COP1: variants seen among roughly 807,000 people sequenced by gnomAD.
The protein encoded by COP1 is E3 ubiquitin-protein ligase COP1.
Under a neutral mutation model 101.3 loss-of-function variants are expected in COP1, and 24 were observed. That is an observed-to-expected ratio of 0.24 (90% CI 0.17 to 0.33). The LOEUF is 0.33. COP1 is among the 10% of genes least tolerant of loss of function. The pLI is 1.00. For missense variants in COP1, 663 were observed against 906.2 expected (o/e 0.73, Z 3.45); for synonymous variants, 347 against 341.9 (o/e 1.01, Z -0.17).
Position 176,120,667 on chromosome 1 carries a change from T to A in COP1, c.969-3986A>T, listed in dbSNP as rs528831903. Among the ~76,000 whole-genome samples, 39 of 152,286 alleles carry A rather than the reference T, an allele frequency of 2.6e-4. No individual in the cohort carries two copies. The South Asian group carries it at 7.9e-3, about 31-fold the overall frequency. ...TGCAAGTAGATGTCCGTATAACTATTTTCACCTAGATTATTTTCCTTCAAA... is the reference window on the plus strand; with the variant it reads ...TGCAAGTAGATGTCCGTATAACTATATTCACCTAGATTATTTTCCTTCAAA... On this transcript the variant is annotated intron_variant, in intron 8 of 19. Transcript: ENST00000367669.
At chr1:176,032,474 T>C (rs1318640004) in intron 14 of COP1, among the ~76,000 whole-genome samples, 1 of 152,130 alleles carries the variant, frequency 6.6e-6, no homozygotes, top group Non-Finnish European at 1.5e-5. Context: ...ACATATACTA[T>C]CTCACACAGT....
intron 3 of COP1, among the ~76,000 whole-genome samples, chr1:176,171,722 C>CA (rs1696099139): frequency 6.6e-6 from 1 of 151,892 alleles, no homozygotes; most frequent in Non-Finnish European, 1.5e-5. Context: ...TGCAATAAAG[C>CA]AAAGTACAAT....
intron 18 of COP1, among the ~76,000 whole-genome samples, chr1:175,976,873 T>C (rs1446873412): frequency 2.6e-5 from 4 of 152,204 alleles, no homozygotes; most frequent in Admixed American, 6.5e-5. Flanking sequence ...TTTTTGAAAG[T>C]TGTAACAAGT....
chr1:176,030,417 C>T (rs567232667), intron 14 of COP1, among the ~76,000 whole-genome samples: 2 of 152,216 alleles, frequency 1.3e-5, no homozygotes, highest in South Asian at 2.1e-4. Flanking sequence ...CATAACCCCA[C>T]TTATAATCAC....
chr1:175,983,758 G>C (rs991256649), intron 18 of COP1, among the ~76,000 whole-genome samples: 1 of 152,212 alleles, frequency 6.6e-6, no homozygotes, highest in Admixed American at 6.5e-5. Context: ...CTAAGGCTGA[G>C]GTGGTCTCAG....
chr1:176,121,057 C>T (rs1303712390), intron 8 of COP1, among the ~76,000 whole-genome samples: 2 of 151,460 alleles, frequency 1.3e-5, no homozygotes, highest in East Asian at 3.9e-4. Context: ...ATTTTTTTTG[C>T]TATAAACGTA....
intron 2 of COP1, among the ~76,000 whole-genome samples, chr1:176,180,469 A>G (rs144008183): frequency 1.5e-3 from 229 of 152,322 alleles, no homozygotes; most frequent in African/African-American, 5.2e-3. Flanking sequence ...CATAACAAAG[A>G]GGTAAAAGGG....
At chr1:176,081,044 G>A in intron 11 of COP1, 108 bp downstream of exon 11, 1 of 947,402 alleles carries the variant, frequency 1.1e-6, no homozygotes, top group South Asian at 1.7e-5. Context: ...TAATTGGCAG[G>A]CTACTTCAGA....
chr1:176,186,599 G>A lies in COP1; in HGVS notation c.408-1907C>T, dbSNP rs558192526. Among the ~76,000 whole-genome samples, 29 of 152,244 alleles carry A rather than the reference G, an allele frequency of 1.9e-4. 1 individual carries two copies. In the East Asian group the frequency reaches 4.6e-3, roughly 24 times the overall value. On this transcript the variant is annotated intron_variant, in intron 1 of 19. Coordinates refer to ENST00000367669, the MANE Select transcript of COP1 (RefSeq NM_022457.7). ...AACTAAGGAATGTGTTAAAGACTTC[G>A]GCTTTTAAGTTGAGTAAAACGGTAA...
At position 176,197,101 on chromosome 1, in the gene COP1, G is replaced by C. The variant is rs115109206; in HGVS notation, c.407+9471C>G. On this transcript the variant is annotated intron_variant, in intron 1 of 19. Transcript: ENST00000367669. ...ATAAAGCCTTTAAAGAAATAATCAAGGTAAAATACAGTCATATTGGTGGAC... is the reference window on the plus strand; with the variant it reads ...ATAAAGCCTTTAAAGAAATAATCAACGTAAAATACAGTCATATTGGTGGAC... 9.9e-3 allele frequency among the ~76,000 whole-genome samples: 1,499 copies of C among 152,154 alleles called. 27 individuals carry two copies. The highest frequency in any genetic ancestry group is 0.035 in the African/African-American group (1,439 of 41,506).
At chr1:176,133,578 G>A (rs1456621717) in intron 8 of COP1, among the ~76,000 whole-genome samples, 1 of 151,760 alleles carries the variant, frequency 6.6e-6, no homozygotes, top group African/African-American at 2.4e-5. Context: ...CCAAAGGGAC[G>A]AGGACTTTGT....
chr1:176,026,262 T>C (rs1189501933), intron 15 of COP1, among the ~76,000 whole-genome samples: 2 of 152,030 alleles, frequency 1.3e-5, no homozygotes, highest in African/African-American at 4.8e-5. Flanking sequence ...CCATAAATGA[T>C]GGCCAGTATG....
intron 11 of COP1, among the ~76,000 whole-genome samples, chr1:176,057,923 T>G (rs1307135008): frequency 6.6e-6 from 1 of 150,398 alleles, no homozygotes; most frequent in East Asian, 2.0e-4. Context: ...TCCTCTGAGA[T>G]GTGGGGAGCA....
chr1:176,062,264 T>A (rs992119162), intron 11 of COP1, among the ~76,000 whole-genome samples: 4 of 152,002 alleles, frequency 2.6e-5, no homozygotes, highest in Non-Finnish European at 5.9e-5. Context: ...AGTCTCCCAA[T>A]GTGCTGGGAT....
chr1:176,048,987 A>G (rs1311425578), intron 11 of COP1, among the ~76,000 whole-genome samples: 1 of 150,964 alleles, frequency 6.6e-6, no homozygotes, highest in Non-Finnish European at 1.5e-5. Flanking sequence ...CCTGGCTAAC[A>G]AGGTGAAACC....
intron 18 of COP1, among the ~76,000 whole-genome samples, chr1:175,975,996 C>T (rs9628629): frequency 6.6e-6 from 1 of 151,992 alleles, no homozygotes; most frequent in South Asian, 2.1e-4. Flanking sequence ...TTCATGCTTT[C>T]TATTAGTAAA....
At chr1:176,019,160 G>T (rs973212202) in intron 15 of COP1, among the ~76,000 whole-genome samples, 1 of 141,208 alleles carries the variant, frequency 7.1e-6, no homozygotes, top group Non-Finnish European at 1.5e-5. Flanking sequence ...AGCGAGAATA[G>T]ACTTTTTAAA....
intron 2 of COP1, among the ~76,000 whole-genome samples, chr1:176,178,483 T>G (rs1340957880): frequency 6.6e-6 from 1 of 151,810 alleles, no homozygotes; most frequent in East Asian, 1.9e-4. Context: ...ACAGCGAGAC[T>G]CTGTCTCAAA....
intron 10 of COP1, among the ~76,000 whole-genome samples, chr1:176,084,201 T>C (rs1679696295): frequency 1.3e-5 from 2 of 152,174 alleles, no homozygotes; most frequent in African/African-American, 2.4e-5. Context: ...AATGCAGGTA[T>C]TGGGCTACTT....
Sources: gnomAD v4.1 joint callset for allele counts (sites outside exome capture counted in the v4.1 genomes callset) on GRCh38, gnomAD v4.1.1 for gene constraint, MANE v1.5 for transcripts, NCBI Gene and HGNC (gene_info 2026-07-23, HGNC 2026-07-21) for gene names.